Variants in ADGB observed in about 807,000 individuals in gnomAD.
The protein encoded by ADGB is calpain-7-like protein.
In ADGB, 172 loss-of-function variants were observed where a neutral mutation model predicts 210.5. That is an observed-to-expected ratio of 0.82 (90% CI 0.72 to 0.93). The LOEUF is 0.93. Ranked by LOEUF, ADGB falls within the 40% of genes least tolerant of loss-of-function variation. The probability of loss-of-function intolerance (pLI) is 0.00; values close to 1 mark genes in which losing one functional copy is unlikely to be tolerated. For missense variants in ADGB, 2,025 were observed against 1,964.8 expected, an observed-to-expected ratio of 1.03 and a Z score of -0.58; for synonymous variants, 658 against 662.7, an observed-to-expected ratio of 0.99 and a Z score of 0.11.
At chr6:146,623,741 T>A (rs932737171) in intron 1 of ADGB, among the ~76,000 whole-genome samples, 2 of 151,966 alleles carry the variant, frequency 1.3e-5, no homozygotes, top group African/African-American at 2.4e-5. Flanking sequence ...ATGTCATTTA[T>A]CAGGTTAAAG....
chr6:146,677,718 T>C (rs1174490304), intron 9 of ADGB, among the ~76,000 whole-genome samples: 1 of 152,172 alleles, frequency 6.6e-6, no homozygotes, highest in Non-Finnish European at 1.5e-5. Flanking sequence ...TTCCAACACA[T>C]AGAATGTGGT....
intron 29 of ADGB, among the ~76,000 whole-genome samples, chr6:146,781,365 A>AG (rs1777797604): frequency 6.6e-6 from 1 of 151,456 alleles, no homozygotes; most frequent in African/African-American, 2.4e-5. Context: ...AAAAAAAAAA[A>AG]GAAATTGGAG....
intron 33 of ADGB, among the ~76,000 whole-genome samples, chr6:146,788,840 G>C (rs1044892530): frequency 2.0e-5 from 3 of 152,218 alleles, no homozygotes; most frequent in African/African-American, 7.2e-5. Context: ...CAGATTTGCA[G>C]GTGTATTTTT....
At chr6:146,704,595 C>T (rs560311352) in intron 13 of ADGB, among the ~76,000 whole-genome samples, 1 of 151,984 alleles carries the variant, frequency 6.6e-6, no homozygotes, top group South Asian at 2.1e-4. Flanking sequence ...CAATCTTTTT[C>T]GACCATAATA....
Position 146,764,120 on chromosome 6 carries a change from T to C in ADGB, c.3750+20T>C. 1.3e-6 allele frequency: 2 copies of C among 1,507,880 alleles called. No homozygotes were observed. Among genetic ancestry groups the C allele is most frequent in the South Asian group, 1.3e-5 (1 of 79,750 alleles). The allele number at this position is 1,507,880 out of a possible 1,614,324, so 93.4% of individuals were successfully genotyped here. On this transcript the variant is annotated intron_variant, in intron 28 of 35. Coordinates refer to ENST00000397944, the MANE Select transcript of ADGB (RefSeq NM_024694.4). ...CTGCAGGTATATTAAAAACAATTGT[T>C]CAATTGGACTGTTCCTAAAACCCTA...
chr6:146,609,182 A>G (rs1475153263), intron 1 of ADGB, among the ~76,000 whole-genome samples: 4 of 152,194 alleles, frequency 2.6e-5, no homozygotes, highest in Non-Finnish European at 5.9e-5. Flanking sequence ...TGAAATAAGA[A>G]TAGCAACTTT....
chr6:146,685,666 T>C, intron 9 of ADGB, 68 bp from the exon 10 acceptor site: 1 of 854,452 alleles, frequency 1.2e-6, no homozygotes, highest in Non-Finnish European at 1.7e-6. Context: ...TTGAACAATC[T>C]GGAGTGAGCA....
chr6:146,685,938 C>T, intron 10 of ADGB, 110 bp downstream of exon 10: 1 of 589,080 alleles, frequency 1.7e-6, no homozygotes, highest in South Asian at 3.9e-5. Flanking sequence ...AATTAAAATT[C>T]TATCTGTGGA....
In ADGB at chr6:146,638,622, G is replaced by A. The variant is rs113634024; in HGVS notation, c.237+3085G>A. 9.4e-3 allele frequency among the ~76,000 whole-genome samples: 1,165 copies of A among 123,938 alleles called. 32 individuals are homozygous for A. Among genetic ancestry groups the A allele is most frequent in the African/African-American group, 0.029 (1,054 of 36,500 alleles). The allele number at this position is 123,938 out of a possible 152,430, so 81.3% of individuals were successfully genotyped here. A position where few individuals can be genotyped will look rare whatever the true frequency, so the allele number is the denominator to read the frequency against. On this transcript the variant is annotated intron_variant, in intron 2 of 35. Coordinates refer to ENST00000397944, the MANE Select transcript of ADGB (RefSeq NM_024694.4). ...CCTGTTGTGGGGTGGGGGGGGGGGG[G>A]AGGGATAGCATTTGGAGATATACCT...
intron 26 of ADGB, among the ~76,000 whole-genome samples, chr6:146,746,810 C>G (rs1562290845): frequency 6.6e-6 from 1 of 152,194 alleles, no homozygotes; most frequent in Non-Finnish European, 1.5e-5. Context: ...TGAACAGATG[C>G]CTAACACAGT....
chr6:146,785,480 T>G, intron 31 of ADGB, 130 bp from the exon 32 acceptor site: 1 of 553,840 alleles, frequency 1.8e-6, no homozygotes, highest in Non-Finnish European at 3.2e-6. Context: ...CTGGTCTGCT[T>G]CATTTAGACT....
intron 4 of ADGB, among the ~76,000 whole-genome samples, chr6:146,655,664 C>G (rs193206965): frequency 1.2e-4 from 18 of 152,198 alleles, no homozygotes; most frequent in Non-Finnish European, 4.4e-5. Flanking sequence ...ATAAAATTAT[C>G]TCCAAATAAT....
intron 1 of ADGB, among the ~76,000 whole-genome samples, chr6:146,616,728 T>C (rs925998409): frequency 6.6e-6 from 1 of 152,158 alleles, no homozygotes; most frequent in Non-Finnish European, 1.5e-5. Flanking sequence ...TTGTCAAAAA[T>C]GAGTTGGCTG....
intron 35 of ADGB, among the ~76,000 whole-genome samples, chr6:146,811,847 T>C (rs1355390211): frequency 6.6e-6 from 1 of 152,068 alleles, no homozygotes; most frequent in Non-Finnish European, 1.5e-5. Context: ...AATTTTTTTT[T>C]CTATTTTTAG....
chr6:146,788,447 G>A lies in ADGB; in HGVS notation c.4374G>A (p.Glu1458=). ...EPNSKNSAGS[E]SKEMTQTGSG... is the part of the protein sequence containing the mutation. ...ACTCAAAGAATTCTGCAGGTTCAGAGAGCAAAGAGATGACACAAACAGGAT... is the reference window on the plus strand; with the variant it reads ...ACTCAAAGAATTCTGCAGGTTCAGAAAGCAAAGAGATGACACAAACAGGAT... The change falls in exon 33 of 36, where the codon GAG becomes GAA. Residue 1458 remains glutamate (E), a synonymous_variant. Coordinates refer to ENST00000397944, the MANE Select transcript of ADGB (RefSeq NM_024694.4). 2 of 1,551,566 alleles carry A rather than the reference G, an allele frequency of 1.3e-6. No homozygotes were observed. The highest frequency in any genetic ancestry group is 1.7e-6 in the Non-Finnish European group (2 of 1,146,926).
intron 13 of ADGB, among the ~76,000 whole-genome samples, chr6:146,706,393 G>T (rs1447761874): frequency 6.6e-6 from 1 of 151,748 alleles, no homozygotes; most frequent in Non-Finnish European, 1.5e-5. Flanking sequence ...TCGAGTAGTT[G>T]GGGCTACAAG....
In ADGB at chr6:146,782,250, C is replaced by T. The variant is rs1777812236; in HGVS notation, c.4035+58C>T. The T allele has an allele frequency of 7.9e-6, 11 of 1,387,884 alleles. No homozygotes were observed. In the South Asian group the frequency reaches 1.6e-4, roughly 20 times the overall value. The allele number at this position is 1,387,884 out of a possible 1,614,324, so 86.0% of individuals were successfully genotyped here. A position where few individuals can be genotyped will look rare whatever the true frequency, so the allele number is the denominator to read the frequency against. ...TAATGATTTTAGGTTCAGTGGATTC[C>T]TATTTGCCTATCTCGTCTGAGGACA... On this transcript the variant is annotated intron_variant, in intron 30 of 35. Transcript: ENST00000397944.
intron 18 of ADGB, 71 bp downstream of exon 18, chr6:146,724,398 A>C: frequency 7.0e-7 from 1 of 1,423,298 alleles, no homozygotes; most frequent in South Asian, 1.5e-5. Context: ...TTACTAAAGA[A>C]GTAAACAATA....
chr6:146,700,189 A>G (rs1030851609), intron 12 of ADGB, among the ~76,000 whole-genome samples: 2 of 152,210 alleles, frequency 1.3e-5, no homozygotes, highest in African/African-American at 4.8e-5. Context: ...TTTCTGTCTT[A>G]GGAACACTGT....
Sources: allele counts gnomAD v4.1 joint callset (sites outside exome capture counted in the v4.1 genomes callset), GRCh38; gene constraint gnomAD v4.1.1; transcripts MANE v1.5; gene names NCBI Gene and HGNC (gene_info 2026-07-23, HGNC 2026-07-21).